The following PTN variants were observed in gnomAD, a reference collection of about 807,000 sequenced individuals.
PTN encodes the protein pleiotrophin.
PTN carries 18 observed loss-of-function variants against 24.1 expected under a neutral mutation model. That is an observed-to-expected ratio of 0.75 (90% CI 0.52 to 1.11). The LOEUF is 1.11. Among genes scored for constraint, PTN ranks in the 50% least tolerant of loss-of-function variants. The probability of loss-of-function intolerance (pLI) is 0.00; values close to 1 mark genes in which losing one functional copy is unlikely to be tolerated. For missense variants in PTN, 163 were observed against 198.8 expected (o/e 0.82, Z 1.08); for synonymous variants, 78 against 68.6 (o/e 1.14, Z -0.67).
At chr7:137,278,818 G>T (rs185158356) in intron 1 of PTN, among the ~76,000 whole-genome samples, 2 of 151,810 alleles carry the variant, frequency 1.3e-5, no homozygotes, top group Admixed American at 1.3e-4. Flanking sequence ...GCGCACACCT[G>T]TAATCCCAGC....
intron 1 of PTN, chr7:137,318,963 G>A (rs1158138855): frequency 6.6e-6 from 1 of 152,112 alleles, no homozygotes; most frequent in East Asian, 1.9e-4. Flanking sequence ...GCATTTTAGT[G>A]ACTGCTGTCG....
intron 1 of PTN, among the ~76,000 whole-genome samples, chr7:137,262,707 G>T (rs989962832): frequency 6.6e-6 from 1 of 152,178 alleles, no homozygotes; most frequent in Admixed American, 6.5e-5. Flanking sequence ...AGCAAGCCAG[G>T]GGGTATGTGA....
chr7:137,247,279 C>T (rs1299991070), intron 4 of PTN, among the ~76,000 whole-genome samples: 5 of 152,068 alleles, frequency 3.3e-5, no homozygotes, highest in Admixed American at 1.3e-4. Flanking sequence ...TGGCCATCAA[C>T]GGATGAACAG....
At chr7:137,255,748 C>A (rs1368043904) in intron 1 of PTN, among the ~76,000 whole-genome samples, 1 of 152,188 alleles carries the variant, frequency 6.6e-6, no homozygotes, top group Non-Finnish European at 1.5e-5. Context: ...TCTCCTAGAA[C>A]TTGAAGCCAC....
chr7:137,247,385 G>C (rs1808742042), intron 4 of PTN, among the ~76,000 whole-genome samples: 1 of 152,160 alleles, frequency 6.6e-6, no homozygotes, highest in Admixed American at 6.5e-5. Context: ...TAGAAATGGA[G>C]ATCATTAGGT....
chr7:137,338,173 C>G (rs1304222241), intron 1 of PTN, among the ~76,000 whole-genome samples: 1 of 152,042 alleles, frequency 6.6e-6, no homozygotes, highest in Non-Finnish European at 1.5e-5. Context: ...AAGATTTCAC[C>G]CAAATTCCAC....
intron 4 of PTN, among the ~76,000 whole-genome samples, chr7:137,235,126 A>T (rs896386877): frequency 6.6e-6 from 1 of 152,084 alleles, no homozygotes; most frequent in Non-Finnish European, 1.5e-5. Context: ...AATCACAAGG[A>T]CTTATCACAG....
rs1158268992 is a variant in PTN at position 137,343,469 on chromosome 7, AG to A, written c.-33del. On this transcript the variant is annotated 5_prime_UTR_variant, in exon 1 of 5. The change creates a new upstream start codon in the 5' untranslated region. Coordinates refer to ENST00000348225, the MANE Select transcript of PTN (RefSeq NM_002825.7). ...GTTGGAAACGTCCTCTCTGGCGCTC[AG>A]TCTGCCTTTGTTGCAAGGGGCGAGG... is the stretch of plus-strand genomic sequence containing the variant. 1 of 518,372 alleles carries A rather than the reference AG, an allele frequency of 1.9e-6. No individual in the cohort carries two copies. Among genetic ancestry groups the A allele is most frequent in the Non-Finnish European group, 3.9e-6 (1 of 259,680 alleles). 32.1% of individuals were successfully genotyped at this position (518,372 alleles called of 1,614,324 possible).
At chr7:137,265,580 G>A (rs535719075) in intron 1 of PTN, among the ~76,000 whole-genome samples, 2 of 152,308 alleles carry the variant, frequency 1.3e-5, no homozygotes, top group East Asian at 1.9e-4. Flanking sequence ...GGGCTGACCC[G>A]CAGGGTACCA....
At chr7:137,252,222 C>T (rs1808839999) in intron 3 of PTN, among the ~76,000 whole-genome samples, 2 of 151,864 alleles carry the variant, frequency 1.3e-5, no homozygotes, top group African/African-American at 4.9e-5. Flanking sequence ...TTATTCTAGC[C>T]ACTTTGATAG....
chr7:137,320,835 T>G (rs1401588898), intron 1 of PTN, among the ~76,000 whole-genome samples: 2 of 152,328 alleles, frequency 1.3e-5, no homozygotes, highest in Admixed American at 6.5e-5. Context: ...CAGTTCATTG[T>G]CAACCTGCCC....
intron 1 of PTN, among the ~76,000 whole-genome samples, chr7:137,320,642 T>TA (rs1562922531): frequency 1.3e-5 from 2 of 152,106 alleles, no homozygotes; most frequent in African/African-American, 4.8e-5. Context: ...GATTTTTTTT[T>TA]AAAAAAGGAT....
chr7:137,228,000 T>C lies in PTN; in HGVS notation c.*20A>G. The C allele has an allele frequency of 6.2e-7, 1 of 1,604,640 alleles. No individual in the cohort carries two copies. Among genetic ancestry groups the C allele is most frequent in the South Asian group, 1.1e-5 (1 of 89,358 alleles). On this transcript the variant is annotated 3_prime_UTR_variant, in exon 5 of 5. Coordinates refer to ENST00000348225, the MANE Select transcript of PTN (RefSeq NM_002825.7). ...ATCCTGTTTGCTGATGTCCTTTTTA[T>C]GTTCCACAGGTGACATCTTTTAATC...
intron 1 of PTN, among the ~76,000 whole-genome samples, chr7:137,299,499 G>A (rs2128878296): frequency 6.6e-6 from 1 of 151,902 alleles, no homozygotes; most frequent in South Asian, 2.1e-4. Context: ...TCCCCATAAG[G>A]TCCCCATGGT....
chr7:137,302,352 T>C (rs941045456), intron 1 of PTN, among the ~76,000 whole-genome samples: 18 of 152,036 alleles, frequency 1.2e-4, no homozygotes, highest in African/African-American at 4.1e-4. Flanking sequence ...CTTGTCAGTA[T>C]AGTAACATAA....
intron 1 of PTN, among the ~76,000 whole-genome samples, chr7:137,283,260 T>C (rs1809501839): frequency 6.6e-6 from 1 of 152,154 alleles, no homozygotes; most frequent in Admixed American, 6.5e-5. Context: ...AATCGAACAA[T>C]TGCCCAGGAA....
At chr7:137,282,447 T>C (rs1809488271) in intron 1 of PTN, among the ~76,000 whole-genome samples, 1 of 152,004 alleles carries the variant, frequency 6.6e-6, no homozygotes, top group African/African-American at 2.4e-5. Flanking sequence ...AACTAGAAAA[T>C]GAGGAGGTAG....
intron 1 of PTN, among the ~76,000 whole-genome samples, chr7:137,310,920 C>G (rs947090742): frequency 6.6e-6 from 1 of 152,162 alleles, no homozygotes; most frequent in African/African-American, 2.4e-5. Context: ...GCAGCTTCCT[C>G]TCTTCTCTCT....
chr7:137,243,575 T>C (rs1808670474), intron 4 of PTN, among the ~76,000 whole-genome samples: 1 of 152,166 alleles, frequency 6.6e-6, no homozygotes, highest in Non-Finnish European at 1.5e-5. Context: ...CCTTCTTGTG[T>C]TTAGAGGTAG....
Sources: gnomAD v4.1 joint callset for allele counts (sites outside exome capture counted in the v4.1 genomes callset) on GRCh38, gnomAD v4.1.1 for gene constraint, MANE v1.5 for transcripts, NCBI Gene and HGNC (gene_info 2026-07-23, HGNC 2026-07-21) for gene names.